Variants in ECE1 observed in about 807,000 individuals in gnomAD.
ECE1 encodes the protein endothelin converting enzyme 1, also known as endothelin-converting enzyme 1.
In ECE1, 35 loss-of-function variants were observed where a neutral mutation model predicts 98.6. The observed-to-expected ratio is 0.35, with a 90% CI of 0.27 to 0.47. The LOEUF is 0.47. Ranked by LOEUF, ECE1 falls within the 20% of genes least tolerant of loss-of-function variation. The pLI, the probability that ECE1 is intolerant of heterozygous loss-of-function variation, is 1.00. For synonymous variants in ECE1, 394 were observed against 407.1 expected (o/e 0.97, Z 0.39); for missense variants, 814 against 1,025.3 (o/e 0.79, Z 2.81).
chr1:21,324,553 T>C (rs546957107), intron 1 of ECE1, among the ~76,000 whole-genome samples: 15 of 152,328 alleles, frequency 9.8e-5, no homozygotes, highest in African/African-American at 3.6e-4. Context: ...AGGAACAAGT[T>C]TGGAGAGGAC....
Position 21,278,224 on chromosome 1 carries a change from C to G in ECE1, c.280+967G>C, listed in dbSNP as rs1558408371. Among the ~76,000 whole-genome samples, 3 of 152,224 alleles carry G rather than the reference C, an allele frequency of 2.0e-5. No individual in the cohort carries two copies. The South Asian group carries it at 6.2e-4, about 32-fold the overall frequency. ...GAGGCCCTGGCTTTGGCTAATTCCC[C>G]ATTCTTATTTCTAACTTGGATCCAC... On this transcript the variant is annotated intron_variant, in intron 3 of 18. Transcript: ENST00000374893.
At chr1:21,337,658 T>C (rs1639328571) in intron 1 of ECE1, among the ~76,000 whole-genome samples, 1 of 152,224 alleles carries the variant, frequency 6.6e-6, no homozygotes, top group Admixed American at 6.5e-5. Context: ...CTGAGTCCTC[T>C]GTATGTGCCA....
chr1:21,236,718 C>T, intron 12 of ECE1, 28 bp downstream of exon 12: 1 of 1,606,704 alleles, frequency 6.2e-7, no homozygotes, highest in East Asian at 2.2e-5. Flanking sequence ...CGCCGCAGCA[C>T]CCCCTCCAAG....
At position 21,225,610 on chromosome 1, in the gene ECE1, T is replaced by G. The variant is rs940323059; in HGVS notation, c.1850-170A>C. ...CGAGGGACGTGGATGTGGTGGCCAGTCAGAGGCGGGAGAGGATGAAGGAGA... is the reference window on the plus strand; with the variant it reads ...CGAGGGACGTGGATGTGGTGGCCAGGCAGAGGCGGGAGAGGATGAAGGAGA... On this transcript the variant is annotated intron_variant, in intron 16 of 18. Transcript: ENST00000374893. This position sits in a 1 kb window ranked among gnomAD's most constrained non-coding sequence, Gnocchi z 5.3. Among the ~76,000 whole-genome samples, 2 of 151,956 alleles carry G rather than the reference T, an allele frequency of 1.3e-5. No individual in the cohort carries two copies. Among genetic ancestry groups the G allele is most frequent in the African/African-American group, 4.8e-5 (2 of 41,400 alleles).
Position 21,272,884 on chromosome 1 carries a change from G to A in ECE1, c.308C>T (p.Ala103Val), listed in dbSNP as rs753353105. 3.1e-6 allele frequency: 5 copies of A among 1,614,236 alleles called. No individual in the cohort carries two copies. The highest frequency in any genetic ancestry group is 1.1e-5 in the South Asian group (1 of 91,088). Reference sequence around the variant, plus strand: ...GATGGAGCTGGTCACTGAGACACAAGCTTCGCTCAGGCACACAGAGGGGGA... The same window carrying A: ...GATGGAGCTGGTCACTGAGACACAAACTTCGCTCAGGCACACAGAGGGGGA... ...TRSPSVCLSE[A>V]CVSVTSSILS... is the part of the protein sequence containing the mutation. The change falls in exon 4 of 19, where the codon GCT becomes GTT. Residue 103 changes from alanine to valine, a missense_variant. Around this residue, in one of 3 missense-constraint regions of ECE1, gnomAD observed 257 missense variants for 278.9 expected, o/e 0.92. Transcript: ENST00000374893.
intron 3 of ECE1, among the ~76,000 whole-genome samples, chr1:21,276,321 C>G (rs991464466): frequency 1.3e-5 from 2 of 152,240 alleles, no homozygotes; most frequent in Non-Finnish European, 2.9e-5. Context: ...CCACTGCGCC[C>G]GGCCTCAATA....
rs772217909 is a variant in ECE1, at chr1:21,320,122, C to T, written c.3+25254G>A. On this transcript the variant is annotated intron_variant, in intron 1 of 18. Transcript: ENST00000415912. ...AAAGCCATCCCAGGTCACATGCGGC[C>T]CACGGGCCGCAGGTTGGACAAGCTC... 3.0e-4 allele frequency among the ~76,000 whole-genome samples: 45 copies of T among 152,334 alleles called. 1 individual carries two copies. In the Middle Eastern group the frequency reaches 0.031, roughly 104 times the overall value.
At chr1:21,245,660 CT>C (rs1558382823) in intron 9 of ECE1, among the ~76,000 whole-genome samples, 1 of 152,298 alleles carries the variant, frequency 6.6e-6, no homozygotes, top group East Asian at 1.9e-4. Flanking sequence ...TAGTGAACAT[CT>C]AACCTCTAAT....
intron 4 of ECE1, among the ~76,000 whole-genome samples, chr1:21,263,891 C>T (rs1252524722): frequency 6.6e-6 from 1 of 152,144 alleles, no homozygotes. Context: ...TCTTTTTCCT[C>T]CTCACTCAGG....
intron 1 of ECE1, among the ~76,000 whole-genome samples, chr1:21,344,518 A>C (rs1639458871): frequency 6.6e-6 from 1 of 152,204 alleles, no homozygotes; most frequent in African/African-American, 2.4e-5. Flanking sequence ...GGCCCTGGAC[A>C]AGTGGACAAA....
chr1:21,330,348 C>A lies in ECE1; in HGVS notation c.3+15028G>T, dbSNP rs140652308. On this transcript the variant is annotated intron_variant, in intron 1 of 18. Transcript: ENST00000415912. Reference sequence around the variant, plus strand: ...CCTCCCGGGTTCAAGTGATTCTCAGCCTCCTGAGTAGCTGGGACCAAAGGC... The same window carrying A: ...CCTCCCGGGTTCAAGTGATTCTCAGACTCCTGAGTAGCTGGGACCAAAGGC... Among the ~76,000 whole-genome samples the A allele has an allele frequency of 4.0e-5, 6 of 150,104 alleles. No homozygotes were observed. The East Asian group carries it at 1.2e-3, about 29-fold the overall frequency.
At chr1:21,230,211 A>C (rs2098179975) in intron 14 of ECE1, among the ~76,000 whole-genome samples, 1 of 152,154 alleles carries the variant, frequency 6.6e-6, no homozygotes. Context: ...AAAGAAAAAA[A>C]TAAAGTTCAT....
intron 2 of ECE1, among the ~76,000 whole-genome samples, chr1:21,289,806 C>T (rs900092794): frequency 6.6e-6 from 1 of 151,946 alleles, no homozygotes; most frequent in African/African-American, 2.4e-5. Flanking sequence ...TTCAACTCTG[C>T]CACCTGGGCT....
chr1:21,221,643 G>A, intron 18 of ECE1, 104 bp downstream of exon 18: 4 of 1,178,530 alleles, frequency 3.4e-6, no homozygotes, highest in Non-Finnish European at 5.1e-6. Flanking sequence ...AGTGACTTGG[G>A]AAGTTCTCAA....
chr1:21,253,705 GAGAGC>G (rs2098215860), intron 8 of ECE1, among the ~76,000 whole-genome samples: 1 of 148,836 alleles, frequency 6.7e-6, no homozygotes, highest in African/African-American at 2.5e-5. Flanking sequence ...GGAGCTTGCA[GAGAGC>G]CGAGATGGCG....
chr1:21,231,056 G>A (rs1371849663), intron 14 of ECE1, among the ~76,000 whole-genome samples: 3 of 151,696 alleles, frequency 2.0e-5, no homozygotes, highest in Admixed American at 1.3e-4. Context: ...TTGAACTCCC[G>A]ACCTCAGGTG....
chr1:21,255,861 A>G lies in ECE1; in HGVS notation c.1020+86T>C, dbSNP rs2098219179. ...GTCACATAGTTTCAAGGACTAGATG[A>G]AATGAGTATAAAAGCCCCCAGTCCA... On this transcript the variant is annotated intron_variant, in intron 8 of 18. Coordinates refer to ENST00000374893, the MANE Select transcript of ECE1 (RefSeq NM_001397.3). 2.9e-6 allele frequency: 4 copies of G among 1,386,702 alleles called. No individual in the cohort carries two copies. In the Admixed American group the frequency reaches 7.0e-5, roughly 24 times the overall value. The allele number at this position is 1,386,702 out of a possible 1,614,324, so 85.9% of individuals were successfully genotyped here. A position where few individuals can be genotyped will look rare whatever the true frequency, so the allele number is the denominator to read the frequency against.
intron 4 of ECE1, among the ~76,000 whole-genome samples, chr1:21,266,326 C>G (rs997483176): frequency 6.6e-6 from 1 of 152,104 alleles, no homozygotes; most frequent in Non-Finnish European, 1.5e-5. Flanking sequence ...GGCCCTGACT[C>G]CACACCAGGG....
At chr1:21,237,175 G>A (rs2098189347) in intron 11 of ECE1, among the ~76,000 whole-genome samples, 1 of 152,184 alleles carries the variant, frequency 6.6e-6, no homozygotes, top group Non-Finnish European at 1.5e-5. Context: ...GAGGGGAGAA[G>A]ACACAGCCTC....
Sources: allele counts gnomAD v4.1 joint callset (sites outside exome capture counted in the v4.1 genomes callset), GRCh38; gene constraint gnomAD v4.1.1; regional missense constraint gnomAD v4.1.1; non-coding constraint Gnocchi (gnomAD v3.1); transcripts MANE v1.5; gene names NCBI Gene and HGNC (gene_info 2026-07-23, HGNC 2026-07-21).